CCDC6: variants seen among roughly 807,000 people sequenced by gnomAD.
CCDC6 encodes coiled-coil domain containing 6.
In CCDC6, 20 loss-of-function variants were observed where a neutral mutation model predicts 56.6. The ratio of observed to expected loss-of-function variants is 0.35; its 90% CI spans 0.25 to 0.51. The LOEUF is 0.51. Among genes scored for constraint, CCDC6 ranks in the 20% least tolerant of loss-of-function variants. The pLI, the probability that CCDC6 is intolerant of heterozygous loss-of-function variation, is 0.95. For missense variants in CCDC6, 367 were observed against 601.1 expected (o/e 0.61, Z 4.07); for synonymous variants, 241 against 234.4 (o/e 1.03, Z -0.26).
intron 6 of CCDC6, chr10:59,805,479 C>G (rs1324171192): frequency 6.6e-6 from 1 of 152,150 alleles, no homozygotes; most frequent in Non-Finnish European, 1.5e-5. Context: ...AAATATTTAT[C>G]TGGAAGGCTG....
chr10:59,807,483 C>CA (rs1179909342), intron 5 of CCDC6, among the ~76,000 whole-genome samples: 1 of 152,076 alleles, frequency 6.6e-6, no homozygotes, highest in Admixed American at 6.5e-5. Context: ...GACTCTGTCT[C>CA]AAAAAACAAA....
At chr10:59,798,142 C>G (rs1327710035) in intron 7 of CCDC6, among the ~76,000 whole-genome samples, 1 of 152,140 alleles carries the variant, frequency 6.6e-6, no homozygotes, top group Admixed American at 6.5e-5. Context: ...GGGTAGGTTC[C>G]ATACTGGCAA....
chr10:59,823,092 G>C (rs533747802), intron 3 of CCDC6, among the ~76,000 whole-genome samples: 30 of 152,150 alleles, frequency 2.0e-4, no homozygotes, highest in African/African-American at 5.5e-4. Flanking sequence ...ACTTTCATCG[G>C]CAATAAAATC....
intron 3 of CCDC6, among the ~76,000 whole-genome samples, chr10:59,820,993 G>T (rs923700202): frequency 2.6e-5 from 4 of 151,846 alleles, no homozygotes; most frequent in African/African-American, 9.7e-5. Context: ...TAAAAGCTTA[G>T]CCCCATCTCC....
At chr10:59,897,865 T>A (rs893366495) in intron 1 of CCDC6, among the ~76,000 whole-genome samples, 2 of 152,230 alleles carry the variant, frequency 1.3e-5, no homozygotes, top group African/African-American at 4.8e-5. Flanking sequence ...TGATGACTTA[T>A]GCCTGGCTGA....
rs2071545196 is a variant in CCDC6, at chr10:59,906,275, G to A, written c.150C>T (p.Val50=). 7 of 1,611,082 alleles carry A rather than the reference G, an allele frequency of 4.3e-6. No homozygotes were observed. Among genetic ancestry groups the A allele is most frequent in the Non-Finnish European group, 5.9e-6 (7 of 1,179,798 alleles). ...GCTCCTCCAGGCGGAACGGCGAGAT[G>A]ACAATGCCCCCCGACTTCCCACCGC... ...GGGGGKSGGI[V]ISPFRLEELT... Residue 50 remains valine (V), a synonymous_variant, in exon 1 of 9, where the codon GTC becomes GTT. Coordinates refer to ENST00000263102, the MANE Select transcript of CCDC6 (RefSeq NM_005436.5).
At chr10:59,867,433 C>T (rs777797946) in intron 1 of CCDC6, among the ~76,000 whole-genome samples, 2 of 152,190 alleles carry the variant, frequency 1.3e-5, no homozygotes, top group Non-Finnish European at 2.9e-5. Context: ...CATTTATAAT[C>T]TATTCTCTCT....
At position 59,789,436 on chromosome 10, in the gene CCDC6, AAATT is replaced by A; in HGVS notation, c.*3477_*3480del. ...CAGCTGTGTGTATGTTTTAATCAAA[AAATT>A]AAAGAAGAAAAAAAAACCCTAAAAA... On this transcript the variant is annotated 3_prime_UTR_variant, in exon 9 of 9. Transcript: ENST00000263102. 4.3e-6 allele frequency: 1 copy of A among 231,786 alleles called. No individual in the cohort carries two copies. The highest frequency in any genetic ancestry group is 2.2e-5 in the African/African-American group (1 of 45,354). The allele number at this position is 231,786 out of a possible 1,614,324, so 14.4% of individuals were successfully genotyped here. A position where few individuals can be genotyped will look rare whatever the true frequency, so the allele number is the denominator to read the frequency against.
intron 1 of CCDC6, among the ~76,000 whole-genome samples, chr10:59,876,589 GAAAAAAA>G (rs10714988): frequency 5.9e-5 from 6 of 101,632 alleles, no homozygotes; most frequent in Middle Eastern, 0.012. Flanking sequence ...TGTTAAGGGG[GAAAAAAA>G]AAAAAAAAAA....
At chr10:59,882,938 C>A (rs530462045) in intron 1 of CCDC6, among the ~76,000 whole-genome samples, 1 of 150,130 alleles carries the variant, frequency 6.7e-6, no homozygotes, top group East Asian at 2.0e-4. Flanking sequence ...CCAGCCTGGG[C>A]GACAGAGCAA....
intron 5 of CCDC6, among the ~76,000 whole-genome samples, chr10:59,810,712 T>G (rs2070665787): frequency 6.6e-6 from 1 of 152,176 alleles, no homozygotes; most frequent in African/African-American, 2.4e-5. Flanking sequence ...TGCTCCTTTT[T>G]TACTCCATGG....
At chr10:59,831,018 T>C (rs577937093) in intron 3 of CCDC6, among the ~76,000 whole-genome samples, 1 of 152,364 alleles carries the variant, frequency 6.6e-6, no homozygotes, top group East Asian at 1.9e-4. Flanking sequence ...GATTAACAAG[T>C]AAATACTTGG....
chr10:59,793,521 C>A (rs573612565), intron 8 of CCDC6, among the ~76,000 whole-genome samples: 11 of 152,226 alleles, frequency 7.2e-5, no homozygotes, highest in Non-Finnish European at 1.5e-4. Context: ...CAGTGGCTCA[C>A]ACCTGTAATC....
intron 2 of CCDC6, among the ~76,000 whole-genome samples, chr10:59,843,057 T>C (rs2070956203): frequency 1.3e-5 from 2 of 149,526 alleles, no homozygotes; most frequent in South Asian, 2.1e-4. Flanking sequence ...CCGGCCTTTT[T>C]TTGTATTTTT....
At chr10:59,834,990 G>T (rs1321636413) in intron 2 of CCDC6, among the ~76,000 whole-genome samples, 1 of 152,194 alleles carries the variant, frequency 6.6e-6, no homozygotes, top group Non-Finnish European at 1.5e-5. Flanking sequence ...AATGGTAGGC[G>T]AGATCTATAG....
intron 1 of CCDC6, among the ~76,000 whole-genome samples, chr10:59,870,356 G>A (rs1019404741): frequency 6.6e-6 from 1 of 152,080 alleles, no homozygotes; most frequent in Non-Finnish European, 1.5e-5. Flanking sequence ...ACTGCTCTTG[G>A]AGGAGCTCAG....
chr10:59,870,617 A>T (rs1412609268), intron 1 of CCDC6, among the ~76,000 whole-genome samples: 3 of 151,960 alleles, frequency 2.0e-5, no homozygotes, highest in Non-Finnish European at 4.4e-5. Flanking sequence ...TACATATCCC[A>T]GACTCCTGGA....
intron 1 of CCDC6, among the ~76,000 whole-genome samples, chr10:59,863,719 A>G (rs1257631464): frequency 6.6e-6 from 1 of 152,244 alleles, no homozygotes; most frequent in East Asian, 1.9e-4. Flanking sequence ...AGCATTCTCT[A>G]TAACATGCAC....
rs564032111 is a variant in CCDC6, at chr10:59,890,237, G to C, written c.303+15885C>G. Reference sequence around the variant, plus strand: ...CGTAACATGTGGCCAAGTAACGGCAGATACCTGAGACATCCAGTCAACGAT... The same window carrying C: ...CGTAACATGTGGCCAAGTAACGGCACATACCTGAGACATCCAGTCAACGAT... On this transcript the variant is annotated intron_variant, in intron 1 of 8. Transcript: ENST00000263102. 9.8e-5 allele frequency among the ~76,000 whole-genome samples: 15 copies of C among 152,310 alleles called. No individual in the cohort carries two copies. The South Asian group carries it at 3.1e-3, about 32-fold the overall frequency.
Sources: gnomAD v4.1 joint callset for allele counts (sites outside exome capture counted in the v4.1 genomes callset) on GRCh38, gnomAD v4.1.1 for gene constraint, MANE v1.5 for transcripts, NCBI Gene and HGNC (gene_info 2026-07-23, HGNC 2026-07-21) for gene names.